The following DTNBP1 variants were observed in gnomAD, a reference collection of about 807,000 sequenced individuals.
DTNBP1 encodes dysbindin.
DTNBP1 carries 35 observed loss-of-function variants against 42.8 expected under a neutral mutation model. That is an observed-to-expected ratio of 0.82 (90% CI 0.63 to 1.09). The LOEUF (loss-of-function observed/expected upper bound fraction) is 1.09, where lower values mean the gene tolerates loss of function less well. DTNBP1 is among the 50% of genes least tolerant of loss of function. The pLI is 0.00. For synonymous variants in DTNBP1, 171 were observed against 162.2 expected (o/e 1.05, Z -0.41); for missense variants, 457 against 424.2 (o/e 1.08, Z -0.68).
intron 7 of DTNBP1, among the ~76,000 whole-genome samples, chr6:15,574,155 A>G (rs922475464): frequency 6.6e-6 from 1 of 152,212 alleles, no homozygotes; most frequent in African/African-American, 2.4e-5. Context: ...ACAAAAACAC[A>G]AAGAGTTACA....
chr6:15,584,491 A>G (rs1157100145), intron 7 of DTNBP1, among the ~76,000 whole-genome samples: 1 of 152,036 alleles, frequency 6.6e-6, no homozygotes, highest in Non-Finnish European at 1.5e-5. Flanking sequence ...ATTTGATTCC[A>G]TTAATGCTCC....
At chr6:15,609,611 G>A (rs1020661750) in intron 6 of DTNBP1, among the ~76,000 whole-genome samples, 2 of 152,134 alleles carry the variant, frequency 1.3e-5, no homozygotes, top group South Asian at 2.1e-4. Flanking sequence ...GAGCCACCAC[G>A]CCCAGCCTCG....
Position 15,569,342 on chromosome 6 carries a change from A to G in DTNBP1, c.511+23717T>C, listed in dbSNP as rs531886377. On this transcript the variant is annotated intron_variant, in intron 7 of 9. Transcript: ENST00000344537. ...GAATTACAGTGGTACAGCTGAAGTCAGCCAGTTAAGACCCCCCCCCGCCCG... is the reference window on the plus strand; with the variant it reads ...GAATTACAGTGGTACAGCTGAAGTCGGCCAGTTAAGACCCCCCCCCGCCCG... Among the ~76,000 whole-genome samples, 67 of 149,930 alleles carry G rather than the reference A, an allele frequency of 4.5e-4. 1 individual carries two copies. Among genetic ancestry groups the G allele is most frequent in the African/African-American group, 1.5e-3 (62 of 41,164 alleles).
intron 5 of DTNBP1, among the ~76,000 whole-genome samples, chr6:15,622,745 C>T (rs535889802): frequency 6.6e-6 from 1 of 152,162 alleles, no homozygotes; most frequent in South Asian, 2.1e-4. Flanking sequence ...GACAGCTGTG[C>T]AAAAAAGAGC....
Position 15,662,815 on chromosome 6 carries a change from C to T in DTNBP1, c.55G>A (p.Gly19Arg), listed in dbSNP as rs753758348. The T allele has an allele frequency of 2.5e-6, 4 of 1,611,886 alleles. No individual in the cohort carries two copies. In the Admixed American group the frequency reaches 5.0e-5, roughly 20 times the overall value. The change falls in exon 1 of 10, where the codon GGG becomes AGG. Residue 19 changes from glycine to arginine, a missense_variant and splice_region_variant. Physicochemically the swap from Gly to Arg is moderately radical, Grantham distance 125 (BLOSUM62 -2). Transcript: ENST00000344537. ...TTTCGTCGCCCACCGTATACCCACC[C>T]GGAGGTGAAATCCTGCTGCACGCTC... ...LLSVQQDFTS[G>R]LKTLSDKSRE...
intron 1 of DTNBP1, chr6:15,660,246 T>A: frequency 1.3e-6 from 1 of 792,838 alleles, no homozygotes; most frequent in Non-Finnish European, 1.9e-6. Flanking sequence ...TACCAACATA[T>A]AATAAACACA....
rs558524832 is a variant in DTNBP1 at position 15,660,770 on chromosome 6, T to C, written c.56+2044A>G. On this transcript the variant is annotated intron_variant, in intron 1 of 9. Transcript: ENST00000344537. ...CTACATTCCGGGGTAAAATGCCTTC[T>C]TACAAAGGTCAGGAGCATGAATGCT... 5.9e-5 allele frequency among the ~76,000 whole-genome samples: 9 copies of C among 152,276 alleles called. No individual in the cohort carries two copies. In the South Asian group the frequency reaches 1.9e-3, roughly 32 times the overall value.
At chr6:15,609,168 CTT>C (rs200792425) in intron 6 of DTNBP1, among the ~76,000 whole-genome samples, 4 of 142,852 alleles carry the variant, frequency 2.8e-5, no homozygotes, top group African/African-American at 5.1e-5. Context: ...TTGCTACCTT[CTT>C]TTTTTTTTTT....
chr6:15,554,398 A>G (rs1310924501), intron 7 of DTNBP1, among the ~76,000 whole-genome samples: 1 of 152,022 alleles, frequency 6.6e-6, no homozygotes, highest in Non-Finnish European at 1.5e-5. Context: ...TTTCTTATTA[A>G]TCTGTCTTTT....
At chr6:15,610,248 T>C (rs946505350) in intron 6 of DTNBP1, among the ~76,000 whole-genome samples, 3 of 152,224 alleles carry the variant, frequency 2.0e-5, no homozygotes, top group Non-Finnish European at 4.4e-5. Context: ...CTTCAATTCC[T>C]GAGCCCTTCT....
chr6:15,593,100 AAAGAC>A lies in DTNBP1; in HGVS notation c.489-24_489-20del, dbSNP rs1776366166. 2 of 1,567,346 alleles carry A rather than the reference AAAGAC, an allele frequency of 1.3e-6. No homozygotes were observed. The highest frequency in any genetic ancestry group is 1.2e-5 in the South Asian group (1 of 83,394). On this transcript the variant is annotated intron_variant, in intron 6 of 9. Transcript: ENST00000344537. ...TTCCTTCCTGTAGGAAAAAAAAAAAAAAGACAAGACAATGCAAATTAAAAATCTCC... is the reference window on the plus strand; with the variant it reads ...TTCCTTCCTGTAGGAAAAAAAAAAAAAAGACAATGCAAATTAAAAATCTCC...
chr6:15,640,269 G>A lies in DTNBP1; in HGVS notation c.162-2465C>T, dbSNP rs149405767. ...CAGCAGGTATTACACATCTCATGCCGCCTTGAAACTCATCCCCATCCAATC... is the reference window on the plus strand; with the variant it reads ...CAGCAGGTATTACACATCTCATGCCACCTTGAAACTCATCCCCATCCAATC... On this transcript the variant is annotated intron_variant, in intron 3 of 9. Transcript: ENST00000344537. 2.9e-3 allele frequency among the ~76,000 whole-genome samples: 443 copies of A among 152,252 alleles called. 2 individuals are homozygous for A. The highest frequency in any genetic ancestry group is 9.9e-3 in the African/African-American group (410 of 41,542).
chr6:15,556,974 C>A (rs1220759878), intron 7 of DTNBP1, among the ~76,000 whole-genome samples: 1 of 152,088 alleles, frequency 6.6e-6, no homozygotes, highest in South Asian at 2.1e-4. Context: ...TGCTTTGGAG[C>A]CATTAGATTC....
At chr6:15,591,337 T>C (rs918916974) in intron 7 of DTNBP1, among the ~76,000 whole-genome samples, 1 of 152,118 alleles carries the variant, frequency 6.6e-6, no homozygotes, top group African/African-American at 2.4e-5. Context: ...TGACCTCAGG[T>C]GATCCCCCTC....
chr6:15,561,427 T>G (rs1052307150), intron 7 of DTNBP1, among the ~76,000 whole-genome samples: 4 of 152,228 alleles, frequency 2.6e-5, no homozygotes, highest in African/African-American at 9.6e-5. Context: ...AATTGAACAC[T>G]TATTAGTCTT....
At chr6:15,577,222 G>A (rs904126040) in intron 7 of DTNBP1, among the ~76,000 whole-genome samples, 1 of 152,240 alleles carries the variant, frequency 6.6e-6, no homozygotes, top group African/African-American at 2.4e-5. Context: ...AGGAGCCAAG[G>A]CCAGAGAGGG....
At chr6:15,601,467 C>G (rs1163588821) in intron 6 of DTNBP1, among the ~76,000 whole-genome samples, 2 of 152,120 alleles carry the variant, frequency 1.3e-5, no homozygotes, top group African/African-American at 4.8e-5. Context: ...ATATTGGGAT[C>G]AACTAATAAA....
intron 9 of DTNBP1, 155 bp downstream of exon 9, chr6:15,524,370 AG>A: frequency 6.2e-7 from 1 of 1,613,748 alleles, no homozygotes; most frequent in Non-Finnish European, 8.5e-7. Flanking sequence ...GCTGCCACAC[AG>A]CCGTGTGGAA....
At chr6:15,558,310 A>G in intron 7 of DTNBP1, among the ~76,000 whole-genome samples, 1 of 146,530 alleles carries the variant, frequency 6.8e-6, no homozygotes, top group Non-Finnish European at 1.5e-5. Flanking sequence ...CTCTGTCGCC[A>G]GGCTGGAGTG....
Sources: allele counts gnomAD v4.1 joint callset (sites outside exome capture counted in the v4.1 genomes callset), GRCh38; gene constraint gnomAD v4.1.1; transcripts MANE v1.5; gene names NCBI Gene and HGNC (gene_info 2026-07-23, HGNC 2026-07-21).